MLLT1: variants seen among roughly 807,000 people sequenced by gnomAD.
MLLT1 encodes MLLT1 super elongation complex subunit.
A neutral mutation model predicts 55.1 loss-of-function variants in MLLT1; 11 were observed. The observed-to-expected ratio is 0.20, with a 90% confidence interval of 0.13 to 0.33. The LOEUF is 0.33. MLLT1 is among the 10% of genes least tolerant of loss of function. The probability of loss-of-function intolerance (pLI) is 1.00; values close to 1 mark genes in which losing one functional copy is unlikely to be tolerated. For synonymous variants in MLLT1, 323 were observed against 320.1 expected (o/e 1.01, Z -0.10); for missense variants, 536 against 760.6 (o/e 0.70, Z 3.47).
intron 7 of MLLT1, chr19:6,216,793 C>T: frequency 2.2e-6 from 1 of 452,082 alleles, no homozygotes; most frequent in Non-Finnish European, 4.0e-6. Flanking sequence ...GCGCAGGGCC[C>T]CTCCATTGCT....
rs1479836669 is a variant in MLLT1, at chr19:6,273,918, G to A, written c.13-3159C>T. Among the ~76,000 whole-genome samples the A allele has an allele frequency of 1.3e-5, 2 of 152,226 alleles. No homozygotes were observed. The highest frequency in any genetic ancestry group is 2.9e-5 in the Non-Finnish European group (2 of 68,036). On this transcript the variant is annotated intron_variant, in intron 1 of 11. Transcript: ENST00000252674. This position sits in a 1 kb window ranked among gnomAD's most constrained non-coding sequence, Gnocchi z 4.3. The stretch of plus-strand genomic sequence containing the variant: ...AGTTATTGTGAAAGAGTGAAAGACC[G>A]CGGTTCCACTGGAGAGGGGGAGGAT...
At chr19:6,245,329 C>T (rs1445362962) in intron 3 of MLLT1, among the ~76,000 whole-genome samples, 1 of 147,578 alleles carries the variant, frequency 6.8e-6, no homozygotes, top group Admixed American at 6.8e-5. Flanking sequence ...TGAGCTCAAA[C>T]AATCCTTCCA....
intron 1 of MLLT1, among the ~76,000 whole-genome samples, chr19:6,275,038 G>A (rs983314438): frequency 6.6e-6 from 1 of 152,222 alleles, no homozygotes; most frequent in Non-Finnish European, 1.5e-5. Context: ...CCGCCGCCTG[G>A]CAAAGAGCCG....
chr19:6,243,223 G>A (rs1025983556), intron 3 of MLLT1, among the ~76,000 whole-genome samples: 3 of 152,136 alleles, frequency 2.0e-5, no homozygotes, highest in Non-Finnish European at 2.9e-5. Flanking sequence ...GCAGGGCCAT[G>A]CATGTCAGTG....
Position 6,227,127 on chromosome 19 carries a change from T to G in MLLT1, c.421-25A>C. 3.2e-6 allele frequency: 5 copies of G among 1,581,998 alleles called. No homozygotes were observed. Among genetic ancestry groups the G allele is most frequent in the Non-Finnish European group, 4.3e-6 (5 of 1,167,102 alleles). ...CCTAGTGACAGAGAAGAGACAGTCA[T>G]TATCGATGGGCAGGGGGCAGGGGGC... On this transcript the variant is annotated intron_variant, in intron 4 of 11. Transcript: ENST00000252674. This position sits in a 1 kb window ranked among gnomAD's most constrained non-coding sequence, Gnocchi z 5.1.
intron 1 of MLLT1, among the ~76,000 whole-genome samples, chr19:6,271,627 G>A (rs1465484750): frequency 1.3e-5 from 2 of 152,240 alleles, no homozygotes; most frequent in Admixed American, 6.5e-5. Context: ...ACCACCAACA[G>A]GGAACCTACA....
Position 6,229,057 on chromosome 19 carries a change from C to T in MLLT1, c.420+1513G>A, listed in dbSNP as rs1035857461. Among the ~76,000 whole-genome samples, 2 of 152,208 alleles carry T rather than the reference C, an allele frequency of 1.3e-5. No homozygotes were observed. Among genetic ancestry groups the T allele is most frequent in the African/African-American group, 2.4e-5 (1 of 41,444 alleles). Reference sequence around the variant, plus strand: ...AAAGGAAGCCGCCTCCCACAGGGAGCCAGGTCCTGGCTGCAGCCCAGAGCG... The same window carrying T: ...AAAGGAAGCCGCCTCCCACAGGGAGTCAGGTCCTGGCTGCAGCCCAGAGCG... On this transcript the variant is annotated intron_variant, in intron 4 of 11. Transcript: ENST00000252674. This position sits in a 1 kb window ranked among gnomAD's most constrained non-coding sequence, Gnocchi z 5.2.
rs922334206 is a variant in MLLT1, at chr19:6,230,213, C to A, written c.420+357G>T. 6.6e-6 allele frequency among the ~76,000 whole-genome samples: 1 copy of A among 152,210 alleles called. No homozygotes were observed. The highest frequency in any genetic ancestry group is 1.5e-5 in the Non-Finnish European group (1 of 68,020). ...AAGTCAGAGGTGATGGCGATGCGCA[C>A]GGCAGGGGCCCTGTGCGGAGGCCCT... On this transcript the variant is annotated intron_variant, in intron 4 of 11. Coordinates refer to ENST00000252674, the MANE Select transcript of MLLT1 (RefSeq NM_005934.4). The surrounding 1 kb of genome is among the most constrained non-coding windows in gnomAD (Gnocchi z 9.0).
rs2091256407 is a variant in MLLT1, at chr19:6,256,257, A to ATAAAT, written c.276+5970_276+5971insATTTA. On this transcript the variant is annotated intron_variant, in intron 3 of 11. Coordinates refer to ENST00000252674, the MANE Select transcript of MLLT1 (RefSeq NM_005934.4). This position sits in a 1 kb window ranked among gnomAD's most constrained non-coding sequence, Gnocchi z 4.1. ...AATAAATAAATAAATAAATAAATAA[A>ATAAAT]AAGACCAGCCTGGGCAACACAATGG... Among the ~76,000 whole-genome samples the ATAAAT allele has an allele frequency of 1.3e-5, 2 of 150,852 alleles. No homozygotes were observed. Among genetic ancestry groups the ATAAAT allele is most frequent in the African/African-American group, 2.4e-5 (1 of 41,026 alleles).
At position 6,215,624 on chromosome 19, in the gene MLLT1, G is replaced by A. The variant is rs78532042; in HGVS notation, c.1307+781C>T. 5.3e-3 allele frequency among the ~76,000 whole-genome samples: 806 copies of A among 152,322 alleles called. 7 individuals are homozygous for A. Among genetic ancestry groups the A allele is most frequent in the African/African-American group, 0.018 (767 of 41,582 alleles). On this transcript the variant is annotated intron_variant, in intron 8 of 11. Coordinates refer to ENST00000252674, the MANE Select transcript of MLLT1 (RefSeq NM_005934.4). ...TTTAGTGAACAACACACCTGCAGGC[G>A]TCTGTGAGGCTCCCATGCACCTTGC...
At chr19:6,225,732 AAG>A (rs2090950497) in intron 5 of MLLT1, among the ~76,000 whole-genome samples, 1 of 152,122 alleles carries the variant, frequency 6.6e-6, no homozygotes. Context: ...ACTCCGGCAA[AAG>A]ATACCACCAG....
At chr19:6,246,167 C>T (rs924595707) in intron 3 of MLLT1, among the ~76,000 whole-genome samples, 21 of 151,472 alleles carry the variant, frequency 1.4e-4, no homozygotes, top group African/African-American at 4.6e-4. Flanking sequence ...TTTGGAGCAA[C>T]GGGAACTCTT....
At position 6,211,173 on chromosome 19, in the gene MLLT1, C is replaced by T. The variant is rs2090765892; in HGVS notation, c.*1869G>A. On this transcript the variant is annotated 3_prime_UTR_variant, in exon 12 of 12. Transcript: ENST00000252674. The surrounding 1 kb of genome is among the most constrained non-coding windows in gnomAD (Gnocchi z 4.6). ...GCACGGGCCCCCGGTCAGCCCCCCT[C>T]AGGCCAGTTCCTTCAGTCCAATGTC... The T allele has an allele frequency of 4.3e-6, 1 of 232,724 alleles. No individual in the cohort carries two copies. The highest frequency in any genetic ancestry group is 8.5e-6 in the Non-Finnish European group (1 of 117,818). The allele number at this position is 232,724 out of a possible 1,614,324, so 14.4% of individuals were successfully genotyped here. A position where few individuals can be genotyped will look rare whatever the true frequency, so the allele number is the denominator to read the frequency against.
chr19:6,264,223 C>T (rs2091327940), intron 2 of MLLT1, among the ~76,000 whole-genome samples: 1 of 151,984 alleles, frequency 6.6e-6, no homozygotes, highest in Admixed American at 6.6e-5. Context: ...TGCCCATCCT[C>T]CTTCCCGCCC....
Position 6,212,094 on chromosome 19 carries a change from AAG to A in MLLT1, c.*946_*947del, listed in dbSNP as rs2090778846. 1 of 1,066,150 alleles carries A rather than the reference AAG, an allele frequency of 9.4e-7. No homozygotes were observed. Among genetic ancestry groups the A allele is most frequent in the Non-Finnish European group, 1.1e-6 (1 of 879,524 alleles). The allele number at this position is 1,066,150 out of a possible 1,614,324, so 66.0% of individuals were successfully genotyped here. A position where few individuals can be genotyped will look rare whatever the true frequency, so the allele number is the denominator to read the frequency against. ...TTTCAAAGTTTGAAGACTTGAATGA[AAG>A]AGAGGAAGAGGAGCCTATGGGAGGA... On this transcript the variant is annotated 3_prime_UTR_variant, in exon 12 of 12. Coordinates refer to ENST00000252674, the MANE Select transcript of MLLT1 (RefSeq NM_005934.4).
In MLLT1 at chr19:6,273,293, C is replaced by A. The variant is rs1451692860; in HGVS notation, c.13-2534G>T. 1.3e-5 allele frequency among the ~76,000 whole-genome samples: 2 copies of A among 152,082 alleles called. No individual in the cohort carries two copies. Among genetic ancestry groups the A allele is most frequent in the Non-Finnish European group, 2.9e-5 (2 of 68,002 alleles). On this transcript the variant is annotated intron_variant, in intron 1 of 11. Transcript: ENST00000252674. This position sits in a 1 kb window ranked among gnomAD's most constrained non-coding sequence, Gnocchi z 4.3. ...TGGCTGGAAAAAGGGGTGAACACAGCCCAAAGCCACAGAACTGACAGGACC... is the reference window on the plus strand; with the variant it reads ...TGGCTGGAAAAAGGGGTGAACACAGACCAAAGCCACAGAACTGACAGGACC...
chr19:6,272,653 G>A (rs1036957088), intron 1 of MLLT1, among the ~76,000 whole-genome samples: 1 of 152,226 alleles, frequency 6.6e-6, no homozygotes, highest in Non-Finnish European at 1.5e-5. Context: ...ACTACATCTT[G>A]TTCGTCCTCT....
Position 6,227,095 on chromosome 19 carries a change from A to G in MLLT1, c.428T>C (p.Val143Ala). ...YKLLRAGGVM[V>A]MPEGADTVSR... ...CACCGTGTCTGCTCCTTCGGGCATT[A>G]CCATCACCTAGTGACAGAGAAGAGA... Residue 143 changes from valine to alanine, a missense_variant, in exon 5 of 12, where the codon GTA becomes GCA. Coordinates refer to ENST00000252674, the MANE Select transcript of MLLT1 (RefSeq NM_005934.4). The surrounding 1 kb of genome is among the most constrained non-coding windows in gnomAD (Gnocchi z 5.1). 1.3e-6 allele frequency: 2 copies of G among 1,597,270 alleles called. No homozygotes were observed. The highest frequency in any genetic ancestry group is 2.3e-5 in the East Asian group (1 of 43,002).
At chr19:6,265,072 A>ACAAC (rs2091338506) in intron 2 of MLLT1, among the ~76,000 whole-genome samples, 1 of 145,324 alleles carries the variant, frequency 6.9e-6, no homozygotes, top group African/African-American at 2.5e-5. Flanking sequence ...AAACAAAAAA[A>ACAAC]AACATGATGT....
Sources: gnomAD v4.1 joint callset for allele counts (sites outside exome capture counted in the v4.1 genomes callset) on GRCh38, gnomAD v4.1.1 for gene constraint, Gnocchi (gnomAD v3.1) non-coding constraint, MANE v1.5 for transcripts, NCBI Gene and HGNC (gene_info 2026-07-23, HGNC 2026-07-21) for gene names.